GXYLT2: variants seen among roughly 807,000 people sequenced by gnomAD.
GXYLT2 encodes glycosyltransferase 8 domain containing 4.
GXYLT2 carries 53 observed loss-of-function variants against 45.8 expected under a neutral mutation model. The ratio of observed to expected loss-of-function variants is 1.16; its 90% CI spans 0.93 to 1.46. The LOEUF (loss-of-function observed/expected upper bound fraction) is 1.46. GXYLT2 is among the 40% of genes most tolerant of loss of function. GXYLT2 has a pLI of 0.00. For synonymous variants in GXYLT2, 219 were observed against 214.2 expected (o/e 1.02, Z -0.19); for missense variants, 551 against 544.4 (o/e 1.01, Z -0.12).
At chr3:72,892,190 T>C (rs1481773799) in intron 1 of GXYLT2, among the ~76,000 whole-genome samples, 1 of 152,236 alleles carries the variant, frequency 6.6e-6, no homozygotes, top group Non-Finnish European at 1.5e-5. Context: ...TTGATGATCC[T>C]ATGATGAGAT....
chr3:72,892,125 G>C (rs1229033212), intron 1 of GXYLT2, among the ~76,000 whole-genome samples: 1 of 152,190 alleles, frequency 6.6e-6, no homozygotes, highest in Admixed American at 6.5e-5. Context: ...TTCTTCATCT[G>C]TGAAATGAGC....
chr3:72,888,551 C>T, intron 1 of GXYLT2, 43 bp downstream of exon 1: 1 of 1,160,528 alleles, frequency 8.6e-7, no homozygotes, highest in Non-Finnish European at 1.1e-6. Context: ...GGACCCGTGT[C>T]TCGCTCCCTA....
intron 1 of GXYLT2, among the ~76,000 whole-genome samples, chr3:72,906,515 GT>G (rs1486972314): frequency 6.6e-6 from 1 of 152,096 alleles, no homozygotes; most frequent in African/African-American, 2.4e-5. Flanking sequence ...AAATTATTTA[GT>G]TACCATCCAC....
chr3:72,959,320 G>A (rs1710722126), intron 5 of GXYLT2, among the ~76,000 whole-genome samples: 1 of 151,644 alleles, frequency 6.6e-6, no homozygotes, highest in African/African-American at 2.4e-5. Context: ...ATTTCACCAT[G>A]TTGGCCAGGC....
In GXYLT2 at chr3:72,888,211, C is replaced by T; in HGVS notation, c.-23C>T. 7 of 971,348 alleles carry T rather than the reference C, an allele frequency of 7.2e-6. No homozygotes were observed. The South Asian group carries it at 2.7e-4, about 38-fold the overall frequency. The allele number at this position is 971,348 out of a possible 1,614,324, so 60.2% of individuals were successfully genotyped here. A position where few individuals can be genotyped will look rare whatever the true frequency, so the allele number is the denominator to read the frequency against. ...CAGAGGGGCCGAGCCGCCTGGGGGCCGCCGCCGCCGCCGCGCCGCACCATG... is the reference window on the plus strand; with the variant it reads ...CAGAGGGGCCGAGCCGCCTGGGGGCTGCCGCCGCCGCCGCGCCGCACCATG... On this transcript the variant is annotated 5_prime_UTR_variant, in exon 1 of 7. Transcript: ENST00000389617.
At chr3:72,963,895 G>A (rs1365039878) in intron 5 of GXYLT2, among the ~76,000 whole-genome samples, 6 of 151,884 alleles carry the variant, frequency 4.0e-5, no homozygotes, top group Non-Finnish European at 5.9e-5. Context: ...GGCTGGTCTC[G>A]AACTCCCGAC....
At chr3:72,925,534 T>C (rs151236101) in intron 3 of GXYLT2, among the ~76,000 whole-genome samples, 1 of 152,248 alleles carries the variant, frequency 6.6e-6, no homozygotes, top group African/African-American at 2.4e-5. Context: ...CTCCCTCCAA[T>C]TGACACGAAA....
At chr3:72,902,685 TAAATA>T (rs763086354) in intron 1 of GXYLT2, among the ~76,000 whole-genome samples, 1,482 of 147,776 alleles carry the variant, frequency 0.01, 28 homozygotes, top group African/African-American at 0.035. Flanking sequence ...AATAAATAAA[TAAATA>T]AAATAAATAA....
At position 72,922,091 on chromosome 3, in the gene GXYLT2, C is replaced by T. The variant is rs966890444; in HGVS notation, c.469-113C>T. On this transcript the variant is annotated intron_variant, in intron 2 of 6. Coordinates refer to ENST00000389617, the MANE Select transcript of GXYLT2 (RefSeq NM_001080393.2). ...CATTCATAGTGGTGATGAAGTTAGACTTTCTGTGTAAGTTGCCTGAATAAT... is the reference window on the plus strand; with the variant it reads ...CATTCATAGTGGTGATGAAGTTAGATTTTCTGTGTAAGTTGCCTGAATAAT... 8.8e-6 allele frequency: 8 copies of T among 908,658 alleles called. No homozygotes were observed. In the East Asian group the frequency reaches 1.7e-4, roughly 20 times the overall value. The allele number at this position is 908,658 out of a possible 1,614,324, so 56.3% of individuals were successfully genotyped here.
At chr3:72,901,435 G>T (rs1170628757) in intron 1 of GXYLT2, among the ~76,000 whole-genome samples, 1 of 148,656 alleles carries the variant, frequency 6.7e-6, no homozygotes, top group East Asian at 2.0e-4. Flanking sequence ...CTGCACTCCA[G>T]CCTGGGCTAC....
At chr3:72,944,358 G>A (rs1710362733) in intron 3 of GXYLT2, among the ~76,000 whole-genome samples, 1 of 151,258 alleles carries the variant, frequency 6.6e-6, no homozygotes, top group Non-Finnish European at 1.5e-5. Flanking sequence ...AGGTTCAAGT[G>A]ATTCTCCTGC....
In GXYLT2 at chr3:72,937,847, C is replaced by T. The variant is rs539272333; in HGVS notation, c.600+15512C>T. Among the ~76,000 whole-genome samples, 4 of 152,330 alleles carry T rather than the reference C, an allele frequency of 2.6e-5. No individual in the cohort carries two copies. The South Asian group carries it at 8.3e-4, about 32-fold the overall frequency. ...AGTGAGGTGTTTGTATTTATCATTG[C>T]TCCCCATCCCTGCTTTAGTTTTCCA... On this transcript the variant is annotated intron_variant, in intron 3 of 6. Transcript: ENST00000389617.
intron 1 of GXYLT2, among the ~76,000 whole-genome samples, chr3:72,905,918 C>A (rs1709502517): frequency 6.6e-6 from 1 of 152,082 alleles, no homozygotes; most frequent in African/African-American, 2.4e-5. Context: ...GGCAGAAGCC[C>A]AATATGTAAA....
chr3:72,897,961 A>G (rs942261228), intron 1 of GXYLT2, among the ~76,000 whole-genome samples: 1 of 152,218 alleles, frequency 6.6e-6, no homozygotes, highest in Non-Finnish European at 1.5e-5. Flanking sequence ...AAATTATCCT[A>G]CTTCAAGTTT....
At chr3:72,963,831 C>A (rs1389953956) in intron 5 of GXYLT2, among the ~76,000 whole-genome samples, 1 of 152,196 alleles carries the variant, frequency 6.6e-6, no homozygotes, top group Admixed American at 6.5e-5. Context: ...TGCCACCACG[C>A]CCAGCTAATT....
intron 6 of GXYLT2, among the ~76,000 whole-genome samples, chr3:72,968,357 A>T (rs981165561): frequency 1.3e-5 from 2 of 152,252 alleles, no homozygotes; most frequent in Admixed American, 1.3e-4. Flanking sequence ...GACAATAAAA[A>T]GAAAATGATA....
rs556978943 is a variant in GXYLT2, at chr3:72,915,362, G to C, written c.468+6803G>C. ...CCTTTTTTTTTTTTTTTTGCGGGGGGGGGGGGGATTTAGGAAAAATAGCCC... is the reference window on the plus strand; with the variant it reads ...CCTTTTTTTTTTTTTTTTGCGGGGGCGGGGGGGATTTAGGAAAAATAGCCC... On this transcript the variant is annotated intron_variant, in intron 2 of 6. Transcript: ENST00000389617. Among the ~76,000 whole-genome samples, 648 of 109,858 alleles carry C rather than the reference G, an allele frequency of 5.9e-3. 51 individuals are homozygous for C. The highest frequency in any genetic ancestry group is 8.8e-3 in the Non-Finnish European group (452 of 51,098). 72.1% of individuals were successfully genotyped at this position (109,858 alleles called of 152,430 possible). A position where few individuals can be genotyped will look rare whatever the true frequency, so the allele number is the denominator to read the frequency against.
intron 4 of GXYLT2, among the ~76,000 whole-genome samples, chr3:72,955,947 G>A (rs985791764): frequency 6.6e-6 from 1 of 152,068 alleles, no homozygotes; most frequent in Non-Finnish European, 1.5e-5. Flanking sequence ...GAATGATGGC[G>A]CACACCTGTA....
intron 3 of GXYLT2, among the ~76,000 whole-genome samples, chr3:72,950,063 A>ATGGTGGCTTATGCT (rs111775744): frequency 6.6e-6 from 1 of 152,022 alleles, no homozygotes; most frequent in East Asian, 1.9e-4. Flanking sequence ...CAGGCCAGGC[A>ATGGTGGCTTATGCT]TGTAATCCCA....
Sources: allele counts gnomAD v4.1 joint callset (sites outside exome capture counted in the v4.1 genomes callset), GRCh38; gene constraint gnomAD v4.1.1; transcripts MANE v1.5; gene names NCBI Gene and HGNC (gene_info 2026-07-23, HGNC 2026-07-21).